Variants in STAG1 observed in about 807,000 individuals in gnomAD.
STAG1 encodes the protein STAG1 cohesin complex component.
In STAG1, 26 loss-of-function variants were observed where a neutral mutation model predicts 170.9. The observed-to-expected ratio is 0.15, with a 90% CI of 0.11 to 0.21. The LOEUF (loss-of-function observed/expected upper bound fraction) is 0.21. STAG1 is among the 10% of genes least tolerant of loss of function. STAG1 has a pLI of 1.00. For synonymous variants in STAG1, 514 were observed against 497.7 expected (o/e 1.03, Z -0.44); for missense variants, 964 against 1,509.5 (o/e 0.64, Z 5.99).
At chr3:136,439,385 C>CGA (rs2088561677) in intron 15 of STAG1, among the ~76,000 whole-genome samples, 2 of 137,474 alleles carry the variant, frequency 1.5e-5, no homozygotes, top group Non-Finnish European at 3.1e-5. Context: ...GTAAAACACC[C>CGA]CCCGACACAC....
intron 1 of STAG1, among the ~76,000 whole-genome samples, chr3:136,713,098 A>C (rs1943429277): frequency 6.6e-6 from 1 of 152,164 alleles, no homozygotes; most frequent in African/African-American, 2.4e-5. Context: ...GTCTCAAAAC[A>C]AAACCACAAG....
intron 1 of STAG1, among the ~76,000 whole-genome samples, chr3:136,692,057 GT>G (rs1404478025): frequency 3.3e-5 from 5 of 152,178 alleles, no homozygotes; most frequent in Admixed American, 3.3e-4. Context: ...GCTCATGCCT[GT>G]AATCCCAGTA....
At chr3:136,359,076 G>A (rs1403968472) in intron 27 of STAG1, 72 bp downstream of exon 27, 2 of 1,223,690 alleles carry the variant, frequency 1.6e-6, no homozygotes, top group African/African-American at 1.5e-5. Context: ...TTAAAAATGG[G>A]TCATATAAGA....
At chr3:136,342,687 A>G (rs1266779588) in intron 30 of STAG1, among the ~76,000 whole-genome samples, 5 of 152,272 alleles carry the variant, frequency 3.3e-5, no homozygotes, top group Admixed American at 2.6e-4. Flanking sequence ...TAGCCAATAC[A>G]AACTGTCACA....
intron 6 of STAG1, among the ~76,000 whole-genome samples, chr3:136,534,974 T>C (rs898657940): frequency 6.6e-6 from 1 of 152,180 alleles, no homozygotes; most frequent in African/African-American, 2.4e-5. Context: ...CTATTCACAA[T>C]TGCAAAGATA....
At chr3:136,460,159 A>G (rs2089233648) in intron 13 of STAG1, among the ~76,000 whole-genome samples, 1 of 152,202 alleles carries the variant, frequency 6.6e-6, no homozygotes, top group South Asian at 2.1e-4. Flanking sequence ...AAAATCAGAG[A>G]CAGAAAAAGA....
At chr3:136,468,301 G>C (rs1022273505) in intron 12 of STAG1, among the ~76,000 whole-genome samples, 1 of 151,778 alleles carries the variant, frequency 6.6e-6, no homozygotes, top group Non-Finnish European at 1.5e-5. Flanking sequence ...TCAAATAGAC[G>C]CAATAAAAAA....
chr3:136,338,061 A>C lies in STAG1; in HGVS notation c.*193T>G, dbSNP rs1935771963. ...TTTTCAGGTCAGTCTTTCTGAGTTG[A>C]CATTCACCAACATTCCCTTGGGTAA... On this transcript the variant is annotated 3_prime_UTR_variant, in exon 34 of 34. Transcript: ENST00000383202. 1 of 563,154 alleles carries C rather than the reference A, an allele frequency of 1.8e-6. No homozygotes were observed. Among genetic ancestry groups the C allele is most frequent in the African/African-American group, 1.9e-5 (1 of 52,724 alleles). The allele number at this position is 563,154 out of a possible 1,614,324, so 34.9% of individuals were successfully genotyped here.
intron 21 of STAG1, among the ~76,000 whole-genome samples, chr3:136,408,387 A>G (rs1263306405): frequency 6.6e-6 from 1 of 152,204 alleles, no homozygotes; most frequent in Non-Finnish European, 1.5e-5. Context: ...CTGTAACAGA[A>G]CCTAGAATGG....
chr3:136,723,020 G>GT (rs1479690660), intron 1 of STAG1, among the ~76,000 whole-genome samples: 2 of 152,352 alleles, frequency 1.3e-5, no homozygotes, highest in East Asian at 3.9e-4. Flanking sequence ...CTGGAGTGCA[G>GT]TGGCGTGATC....
At chr3:136,570,472 A>G (rs1013752623) in intron 4 of STAG1, among the ~76,000 whole-genome samples, 1 of 152,252 alleles carries the variant, frequency 6.6e-6, no homozygotes, top group Non-Finnish European at 1.5e-5. Flanking sequence ...TTTGCAGTTT[A>G]GGGCTATCAC....
intron 6 of STAG1, among the ~76,000 whole-genome samples, chr3:136,523,576 T>G (rs1456049484): frequency 2.0e-5 from 3 of 152,238 alleles, no homozygotes; most frequent in African/African-American, 7.2e-5. Context: ...TTTCTTTTGC[T>G]GTGCAGAAGC....
rs1364153262 is a variant in STAG1, at chr3:136,521,244, G to A, written c.645C>T (p.Val215=). The change falls in exon 7 of 34, where the codon GTC becomes GTT. Residue 215 remains valine (V), a synonymous_variant. Coordinates refer to ENST00000383202, the MANE Select transcript of STAG1 (RefSeq NM_005862.3). ...GGGTACTTGTATGCCTAAAAGCTCT[G>A]ACCTGGGAGTCTGACAAACCCGTCA... is the stretch of plus-strand genomic sequence containing the variant. ...SLLTGLSDSQ[V]RAFRHTSTLA... is the part of the protein sequence containing the mutation. 1.9e-6 allele frequency: 3 copies of A among 1,613,714 alleles called. No individual in the cohort carries two copies. The South Asian group carries it at 3.3e-5, about 18-fold the overall frequency.
rs60822372 is a variant in STAG1, at chr3:136,528,503, C to CA, written c.472-7087_472-7086insT. 1.2e-4 allele frequency among the ~76,000 whole-genome samples: 15 copies of CA among 125,344 alleles called. 1 individual carries two copies. In the East Asian group the frequency reaches 1.4e-3, roughly 12 times the overall value. The allele number at this position is 125,344 out of a possible 152,430, so 82.2% of individuals were successfully genotyped here. A position where few individuals can be genotyped will look rare whatever the true frequency, so the allele number is the denominator to read the frequency against. On this transcript the variant is annotated intron_variant, in intron 6 of 33. Coordinates refer to ENST00000383202, the MANE Select transcript of STAG1 (RefSeq NM_005862.3). ...CAACAGATGTCCCCGCACCCCCCCCCCCAAAAAATCACTAAGTCCTGGAAA... is the reference window on the plus strand; with the variant it reads ...CAACAGATGTCCCCGCACCCCCCCCCACCAAAAAATCACTAAGTCCTGGAAA...
intron 9 of STAG1, among the ~76,000 whole-genome samples, chr3:136,479,175 C>A (rs986156908): frequency 1.4e-5 from 2 of 147,074 alleles, no homozygotes; most frequent in Non-Finnish European, 3.0e-5. Flanking sequence ...GCGCTGCACC[C>A]ACCAACGTGT....
intron 1 of STAG1, among the ~76,000 whole-genome samples, chr3:136,698,640 G>A (rs936274513): frequency 6.6e-6 from 1 of 152,124 alleles, no homozygotes; most frequent in South Asian, 2.1e-4. Context: ...CCACTGCTGG[G>A]TAAAGGTAAA....
intron 13 of STAG1, among the ~76,000 whole-genome samples, chr3:136,463,770 T>TACACACACACACAC (rs375928916): frequency 3.1e-3 from 386 of 126,378 alleles, no homozygotes; most frequent in Non-Finnish European, 5.1e-3. Flanking sequence ...TGTGTGTGTA[T>TACACACACACACAC]ACACACACAC....
At position 136,452,069 on chromosome 3, in the gene STAG1, G is replaced by C. The variant is rs752144424; in HGVS notation, c.1392C>G (p.Leu464=). The change falls in exon 14 of 34, where the codon CTC becomes CTG. Residue 464 remains leucine, a synonymous_variant. Coordinates refer to ENST00000383202, the MANE Select transcript of STAG1 (RefSeq NM_005862.3). Reference sequence around the variant, plus strand: ...GAAAGAAAAGAACCAGCATCCTAATGAGGTTTCCATTCGGGCTGTTTCTTC... The same window carrying C: ...GAAAGAAAAGAACCAGCATCCTAATCAGGTTTCCATTCGGGCTGTTTCTTC... ...RRGRNSPNGN[L]IRMLVLFFLE... is the part of the protein sequence containing the mutation. 24 of 1,613,374 alleles carry C rather than the reference G, an allele frequency of 1.5e-5. No individual in the cohort carries two copies. The highest frequency in any genetic ancestry group is 1.9e-5 in the Non-Finnish European group (22 of 1,179,714).
chr3:136,455,295 T>G (rs1325806788), intron 13 of STAG1, among the ~76,000 whole-genome samples: 3 of 152,014 alleles, frequency 2.0e-5, no homozygotes, highest in African/African-American at 7.3e-5. Context: ...TGAAGAGAAG[T>G]GGAGAAACCC....
Sources: allele counts gnomAD v4.1 joint callset (sites outside exome capture counted in the v4.1 genomes callset), GRCh38; gene constraint gnomAD v4.1.1; transcripts MANE v1.5; gene names NCBI Gene and HGNC (gene_info 2026-07-23, HGNC 2026-07-21).